DUSP19: variants seen among roughly 807,000 people sequenced by gnomAD.
DUSP19 encodes dual specificity protein phosphatase 19.
In DUSP19, 14 loss-of-function variants were observed where a neutral mutation model predicts 16.6. The ratio of observed to expected loss-of-function variants is 0.84; its 90% confidence interval spans 0.56 to 1.32. The LOEUF (loss-of-function observed/expected upper bound fraction) is 1.32, where lower values mean the gene tolerates loss of function less well. DUSP19 is among the 40% of genes most tolerant of loss of function. The pLI is 0.00. For missense variants in DUSP19, 258 were observed against 255.9 expected (o/e 1.01, Z -0.06); for synonymous variants, 81 against 90.5 (o/e 0.90, Z 0.59).
intron 2 of DUSP19, among the ~76,000 whole-genome samples, chr2:183,086,095 C>G (rs1178740510): frequency 2.0e-5 from 3 of 151,772 alleles, no homozygotes; most frequent in Non-Finnish European, 4.4e-5. Context: ...AGTGTACCAT[C>G]TGAAAGAAAA....
At chr2:183,093,733 A>G (rs1699763114) in intron 3 of DUSP19, among the ~76,000 whole-genome samples, 1 of 152,218 alleles carries the variant, frequency 6.6e-6, no homozygotes, top group African/African-American at 2.4e-5. Flanking sequence ...TGTAAGACTG[A>G]AAATAAAGCT....
intron 1 of DUSP19, among the ~76,000 whole-genome samples, chr2:183,080,649 A>G (rs1209417240): frequency 1.3e-5 from 2 of 152,190 alleles, no homozygotes; most frequent in Non-Finnish European, 2.9e-5. Context: ...GTCTTCATGA[A>G]CTTTGCTTAT....
rs750260968 is a variant in DUSP19 at position 183,090,961 on chromosome 2, C to T, written c.426+3769C>T. On this transcript the variant is annotated intron_variant, in intron 3 of 3. Transcript: ENST00000354221. ...CACATGTGAGATCGGGAACTCTGGG[C>T]GGCCACTTTGGTCCTGGGTACTGAT... 9.7e-4 allele frequency among the ~76,000 whole-genome samples: 148 copies of T among 152,296 alleles called. 2 individuals carry two copies. Among genetic ancestry groups the T allele is most frequent in the Admixed American group, 3.9e-4 (6 of 15,294 alleles).
intron 3 of DUSP19, among the ~76,000 whole-genome samples, chr2:183,093,222 A>G (rs1430403610): frequency 1.3e-5 from 2 of 152,224 alleles, no homozygotes; most frequent in Non-Finnish European, 2.9e-5. Flanking sequence ...CCTATAGGTT[A>G]CTACTTGCCC....
At position 183,087,209 on chromosome 2, in the gene DUSP19, TC is replaced by T. The variant is rs1699674275; in HGVS notation, c.426+19del. 6.2e-7 allele frequency: 1 copy of T among 1,606,936 alleles called. No homozygotes were observed. The highest frequency in any genetic ancestry group is 1.3e-5 in the African/African-American group (1 of 74,692). ...AAAAGAAAAGTGAGTTTTGTTTTGA[TC>T]CATAGTTCTGCAGAAGCAGAAATTT... On this transcript the variant is annotated intron_variant, in intron 3 of 3. Transcript: ENST00000354221.
At chr2:183,084,230 G>A (rs1699631624) in intron 2 of DUSP19, among the ~76,000 whole-genome samples, 1 of 152,118 alleles carries the variant, frequency 6.6e-6, no homozygotes, top group South Asian at 2.1e-4. Flanking sequence ...GGATAAGTGA[G>A]TCAGGGGAGA....
intron 2 of DUSP19, among the ~76,000 whole-genome samples, chr2:183,084,513 G>A (rs1039759100): frequency 1.1e-4 from 16 of 152,096 alleles, no homozygotes; most frequent in Admixed American, 3.3e-4. Flanking sequence ...ATGCTTTCAG[G>A]GACAGAAAAG....
At chr2:183,082,419 C>CTTTTTTTTTT (rs71008260) in intron 1 of DUSP19, among the ~76,000 whole-genome samples, 1 of 84,828 alleles carries the variant, frequency 1.2e-5, no homozygotes, top group African/African-American at 4.7e-5. Flanking sequence ...GAACATTTTT[C>CTTTTTTTTTT]TTTTTTTTTT....
rs2675069 is a variant in DUSP19 at position 183,096,922 on chromosome 2, A to C, written c.*1264A>C. On this transcript the variant is annotated 3_prime_UTR_variant, in exon 4 of 4. Coordinates refer to ENST00000354221, the MANE Select transcript of DUSP19 (RefSeq NM_080876.4). ...TTTTTCTTTAATGTCTCCGTATTTG[A>C]AGAACTGAGCTCTGTACATTATAAA... 150,563 of 152,554 alleles carry C rather than the reference A, an allele frequency of 0.99. 74,331 individuals carry two copies. The highest frequency in any genetic ancestry group is 1 in the Middle Eastern group (294 of 294). 9.5% of individuals were successfully genotyped at this position (152,554 alleles called of 1,614,324 possible).
At chr2:183,080,730 C>T (rs1050467887) in intron 1 of DUSP19, among the ~76,000 whole-genome samples, 7 of 152,160 alleles carry the variant, frequency 4.6e-5, no homozygotes, top group African/African-American at 1.7e-4. Context: ...TTGGAAACCT[C>T]CCCAGGATAG....
chr2:183,099,774 T>G lies in DUSP19; in HGVS notation c.*4116T>G, dbSNP rs1699850687. ...CCAACATTTTGGGAGGCCAAGGAGATGGATCACTTGAGGCCAGGAGTTCAA... is the reference window on the plus strand; with the variant it reads ...CCAACATTTTGGGAGGCCAAGGAGAGGGATCACTTGAGGCCAGGAGTTCAA... On this transcript the variant is annotated 3_prime_UTR_variant, in exon 4 of 4. Transcript: ENST00000354221. 6.6e-6 allele frequency: 1 copy of G among 151,698 alleles called. No homozygotes were observed. Among genetic ancestry groups the G allele is most frequent in the South Asian group, 2.1e-4 (1 of 4,824 alleles). 9.4% of individuals were successfully genotyped at this position (151,698 alleles called of 1,614,324 possible).
Position 183,095,739 on chromosome 2 carries a change from A to C in DUSP19, c.*81A>C, listed in dbSNP as rs1699792336. On this transcript the variant is annotated 3_prime_UTR_variant, in exon 4 of 4. Transcript: ENST00000354221. ...ATCTTTTCCCTTTTTTGGAGAGTAG[A>C]CTAGCAAAACTCCCTTTTTTCTCTT... 1.8e-5 allele frequency: 20 copies of C among 1,091,712 alleles called. No individual in the cohort carries two copies. In the South Asian group the frequency reaches 3.1e-4, roughly 17 times the overall value. The allele number at this position is 1,091,712 out of a possible 1,614,324, so 67.6% of individuals were successfully genotyped here.
At chr2:183,079,566 C>T (rs941539696) in intron 1 of DUSP19, among the ~76,000 whole-genome samples, 119 of 152,280 alleles carry the variant, frequency 7.8e-4, no homozygotes, top group Non-Finnish European at 2.1e-4. Flanking sequence ...AGTTAATACT[C>T]GAAATAGTCC....
At chr2:183,084,596 T>C (rs1057019383) in intron 2 of DUSP19, among the ~76,000 whole-genome samples, 2 of 151,996 alleles carry the variant, frequency 1.3e-5, no homozygotes, top group African/African-American at 4.8e-5. Flanking sequence ...GAGGTAAGCA[T>C]GAGCCAGATC....
rs183208873 is a variant in DUSP19, at chr2:183,097,276, G to C, written c.*1618G>C. The C allele has an allele frequency of 6.6e-6, 1 of 151,982 alleles. No individual in the cohort carries two copies. The highest frequency in any genetic ancestry group is 2.4e-5 in the African/African-American group (1 of 41,366). 9.4% of individuals were successfully genotyped at this position (151,982 alleles called of 1,614,324 possible). ...ACTCCTAGGCTTAAGTGATCCTCCC[G>C]CCTTAGCCTCCCAAGTGCTAGGATT... On this transcript the variant is annotated 3_prime_UTR_variant, in exon 4 of 4. Coordinates refer to ENST00000354221, the MANE Select transcript of DUSP19 (RefSeq NM_080876.4).
chr2:183,083,070 TA>T (rs1048650687), intron 1 of DUSP19, among the ~76,000 whole-genome samples: 3 of 151,094 alleles, frequency 2.0e-5, no homozygotes, highest in African/African-American at 7.3e-5. Context: ...CCTGGCTAAT[TA>T]AAAAAAATTT....
At chr2:183,092,610 T>C (rs10170163) in intron 3 of DUSP19, among the ~76,000 whole-genome samples, 83,179 of 151,892 alleles carry the variant, frequency 0.55, 25,866 homozygotes, top group East Asian at 0.9. Context: ...ATGGGGTATA[T>C]GTACCACATT....
At chr2:183,083,675 A>T in intron 2 of DUSP19, 121 bp downstream of exon 2, 1 of 719,434 alleles carries the variant, frequency 1.4e-6, no homozygotes, top group Non-Finnish European at 2.1e-6. Context: ...CATTTTGGCT[A>T]TCATTTCAAT....
chr2:183,089,587 C>T (rs1354161578), intron 3 of DUSP19, among the ~76,000 whole-genome samples: 1 of 149,150 alleles, frequency 6.7e-6, no homozygotes, highest in African/African-American at 2.6e-5. Flanking sequence ...GGAAGAAGAG[C>T]TCCTTCTTTG....
Sources: allele counts gnomAD v4.1 joint callset (sites outside exome capture counted in the v4.1 genomes callset), GRCh38; gene constraint gnomAD v4.1.1; transcripts MANE v1.5; gene names NCBI Gene and HGNC (gene_info 2026-07-23, HGNC 2026-07-21).